TCF7L2: variants seen among roughly 807,000 people sequenced by gnomAD.
The protein encoded by TCF7L2 is transcription factor 7-like 2.
Under a neutral mutation model 77.9 loss-of-function variants are expected in TCF7L2, and 23 were observed. The ratio of observed to expected loss-of-function variants is 0.30; its 90% CI spans 0.21 to 0.42. TCF7L2 has a LOEUF of 0.42. Ranked by LOEUF, TCF7L2 falls within the 10% of genes least tolerant of loss-of-function variation. The pLI, the probability that TCF7L2 is intolerant of heterozygous loss-of-function variation, is 1.00. For missense variants in TCF7L2, 654 were observed against 793.1 expected, an observed-to-expected ratio of 0.82 and a Z score of 2.11; for synonymous variants, 413 against 340.2, an observed-to-expected ratio of 1.21 and a Z score of -2.36.
intron 4 of TCF7L2, among the ~76,000 whole-genome samples, chr10:113,011,621 C>G (rs578091277): frequency 1.3e-5 from 2 of 151,562 alleles, no homozygotes; most frequent in Non-Finnish European, 2.9e-5. Flanking sequence ...ATTTTACTAC[C>G]TTGAGTGTTG....
intron 4 of TCF7L2, among the ~76,000 whole-genome samples, chr10:113,001,183 C>T (rs949015902): frequency 7.2e-5 from 11 of 152,178 alleles, no homozygotes; most frequent in African/African-American, 9.7e-5. Flanking sequence ...CGGGCTCTCC[C>T]GTCTTCGGAT....
chr10:113,053,023 T>C (rs1050641310), intron 5 of TCF7L2, among the ~76,000 whole-genome samples: 1 of 152,218 alleles, frequency 6.6e-6, no homozygotes. Context: ...TTCTTCCTGA[T>C]TCATCTGCTA....
At chr10:113,054,904 A>G (rs111488086) in intron 5 of TCF7L2, among the ~76,000 whole-genome samples, 1 of 151,866 alleles carries the variant, frequency 6.6e-6, no homozygotes, top group Admixed American at 6.6e-5. Context: ...TTCTTATTCA[A>G]CATTACATTT....
intron 4 of TCF7L2, among the ~76,000 whole-genome samples, chr10:112,991,136 C>T (rs1034514704): frequency 2.0e-5 from 3 of 152,228 alleles, no homozygotes; most frequent in African/African-American, 7.2e-5. Flanking sequence ...GACCCACTTC[C>T]CCTCTCTGGG....
chr10:112,964,398 C>G (rs1029961476), intron 3 of TCF7L2, among the ~76,000 whole-genome samples, 158 bp from the exon 4 acceptor site: 3 of 152,162 alleles, frequency 2.0e-5, no homozygotes, highest in African/African-American at 7.2e-5. Flanking sequence ...TTATGATCAT[C>G]TTATCCATAG....
intron 3 of TCF7L2, among the ~76,000 whole-genome samples, chr10:112,957,047 T>C (rs2033807416): frequency 1.3e-5 from 2 of 152,136 alleles, no homozygotes; most frequent in Non-Finnish European, 2.9e-5. Flanking sequence ...TAAAGAGCAC[T>C]TTCAGGAATG....
intron 3 of TCF7L2, among the ~76,000 whole-genome samples, chr10:112,958,386 G>T (rs2034225400): frequency 1.3e-5 from 2 of 152,042 alleles, no homozygotes; most frequent in African/African-American, 2.4e-5. Context: ...TAATTAGTAC[G>T]CACTGTAATT....
At chr10:113,002,592 C>T (rs1564769799) in intron 4 of TCF7L2, among the ~76,000 whole-genome samples, 3 of 152,078 alleles carry the variant, frequency 2.0e-5, no homozygotes, top group Admixed American at 2.0e-4. Flanking sequence ...CTCACACTTG[C>T]TGCCCCCATG....
intron 5 of TCF7L2, among the ~76,000 whole-genome samples, chr10:113,099,666 GTGTCACACTCGA>G: frequency 6.6e-6 from 1 of 152,372 alleles, no homozygotes; most frequent in Admixed American, 6.5e-5. Context: ...TCCCAGCTCA[GTGTCACACTCGA>G]GTGAACAGTA....
intron 5 of TCF7L2, among the ~76,000 whole-genome samples, chr10:113,134,833 C>G (rs2136635413): frequency 6.6e-6 from 1 of 152,266 alleles, no homozygotes; most frequent in Non-Finnish European, 1.5e-5. Flanking sequence ...CCATGCCCAC[C>G]CTGAGGAGGG....
At chr10:113,146,427 G>A (rs909566402) in intron 8 of TCF7L2, among the ~76,000 whole-genome samples, 1 of 152,112 alleles carries the variant, frequency 6.6e-6, no homozygotes, top group East Asian at 1.9e-4. Context: ...TAGCGGTGAA[G>A]GTAGTTTTAT....
chr10:113,006,171 A>C (rs536475433), intron 4 of TCF7L2, among the ~76,000 whole-genome samples: 1 of 152,330 alleles, frequency 6.6e-6, no homozygotes, highest in East Asian at 1.9e-4. Context: ...GCAACTTGGG[A>C]AACAGCACAT....
intron 8 of TCF7L2, among the ~76,000 whole-genome samples, chr10:113,147,461 C>T (rs2069710558): frequency 6.6e-6 from 1 of 152,294 alleles, no homozygotes; most frequent in South Asian, 2.1e-4. Flanking sequence ...CATTTTCTAC[C>T]TGCGATATAT....
intron 5 of TCF7L2, among the ~76,000 whole-genome samples, chr10:113,119,456 A>G (rs940966019): frequency 2.0e-5 from 3 of 152,214 alleles, no homozygotes; most frequent in Non-Finnish European, 4.4e-5. Flanking sequence ...AAGGAAAGAT[A>G]TACTAATATC....
chr10:113,061,318 T>C (rs923493648), intron 5 of TCF7L2, among the ~76,000 whole-genome samples: 1 of 152,324 alleles, frequency 6.6e-6, no homozygotes, highest in Admixed American at 6.5e-5. Flanking sequence ...TGTGCCTCGC[T>C]GGGACAGAGT....
intron 5 of TCF7L2, among the ~76,000 whole-genome samples, chr10:113,108,415 C>T (rs552676889): frequency 6.6e-6 from 1 of 151,748 alleles, no homozygotes; most frequent in East Asian, 1.9e-4. Flanking sequence ...GGGGCAATCG[C>T]TCATGGTGGG....
At chr10:113,135,464 C>T (rs1339521948) in intron 5 of TCF7L2, among the ~76,000 whole-genome samples, 8 of 152,166 alleles carry the variant, frequency 5.3e-5, no homozygotes, top group Non-Finnish European at 7.3e-5. Flanking sequence ...TGCCAAAGAG[C>T]GTTTTCTCCA....
At chr10:113,001,190 G>C (rs962619955) in intron 4 of TCF7L2, among the ~76,000 whole-genome samples, 1 of 152,208 alleles carries the variant, frequency 6.6e-6, no homozygotes, top group Non-Finnish European at 1.5e-5. Flanking sequence ...TCCCGTCTTC[G>C]GATGGCTCCT....
intron 8 of TCF7L2, among the ~76,000 whole-genome samples, chr10:113,149,339 A>G (rs1326997533): frequency 6.6e-6 from 1 of 152,144 alleles, no homozygotes; most frequent in Non-Finnish European, 1.5e-5. Flanking sequence ...ATACATTCGA[A>G]GGACTTGTAT....
Sources: allele counts gnomAD v4.1 joint callset (sites outside exome capture counted in the v4.1 genomes callset), GRCh38; gene constraint gnomAD v4.1.1; transcripts MANE v1.5; gene names NCBI Gene and HGNC (gene_info 2026-07-23, HGNC 2026-07-21).